PPP1R12B: variants seen among roughly 807,000 people sequenced by gnomAD.
PPP1R12B encodes myosin phosphatase target subunit 2.
In PPP1R12B, 76 loss-of-function variants were observed where a neutral mutation model predicts 126.1. The observed-to-expected ratio is 0.60, with a 90% CI of 0.50 to 0.73. The LOEUF is 0.73. PPP1R12B is among the 30% of genes least tolerant of loss of function. The pLI is 0.00. For missense variants in PPP1R12B, 1,052 were observed against 1,205.1 expected, an observed-to-expected ratio of 0.87 and a Z score of 1.88; for synonymous variants, 356 against 434.7, an observed-to-expected ratio of 0.82 and a Z score of 2.25.
chr1:202,581,331 T>C lies in PPP1R12B; in HGVS notation c.*771T>C, dbSNP rs1006793007. The C allele has an allele frequency of 6.6e-5, 10 of 152,562 alleles. 1 individual carries two copies. Among genetic ancestry groups the C allele is most frequent in the African/African-American group, 2.2e-4 (9 of 41,434 alleles). The allele number at this position is 152,562 out of a possible 1,614,324, so 9.5% of individuals were successfully genotyped here. A position where few individuals can be genotyped will look rare whatever the true frequency, so the allele number is the denominator to read the frequency against. On this transcript the variant is annotated 3_prime_UTR_variant, in exon 24 of 24. Coordinates refer to ENST00000608999, the MANE Select transcript of PPP1R12B (RefSeq NM_002481.4). ...AGGACAGAGCACCTGACCTCAGTTGTCTTTGGCCATTGTGGGAAGTCATTA... is the reference window on the plus strand; with the variant it reads ...AGGACAGAGCACCTGACCTCAGTTGCCTTTGGCCATTGTGGGAAGTCATTA...
intron 1 of PPP1R12B, among the ~76,000 whole-genome samples, chr1:202,374,292 A>AT (rs555447851): frequency 6.6e-6 from 1 of 152,060 alleles, no homozygotes; most frequent in Non-Finnish European, 1.5e-5. Context: ...AACATCTGTG[A>AT]TTCCTTGTTT....
chr1:202,486,163 TGA>T (rs1678091570), intron 13 of PPP1R12B, among the ~76,000 whole-genome samples: 2 of 152,206 alleles, frequency 1.3e-5, no homozygotes, highest in Non-Finnish European at 2.9e-5. Context: ...ATTACAGGCA[TGA>T]GCTACTGCTC....
intron 18 of PPP1R12B, among the ~76,000 whole-genome samples, chr1:202,518,081 A>G (rs576139192): frequency 2.0e-5 from 3 of 152,372 alleles, no homozygotes; most frequent in African/African-American, 4.8e-5. Flanking sequence ...TAGATTGACA[A>G]AAGTCCCAAA....
intron 8 of PPP1R12B, 112 bp from the exon 9 acceptor site, chr1:202,434,544 T>A (rs1670565624): frequency 5.9e-6 from 8 of 1,365,568 alleles, no homozygotes; most frequent in Admixed American, 3.0e-5. Context: ...TACAGGGCCT[T>A]AATAATCTGT....
intron 1 of PPP1R12B, among the ~76,000 whole-genome samples, chr1:202,398,709 C>A (rs767871957): frequency 6.6e-6 from 1 of 152,178 alleles, no homozygotes; most frequent in Non-Finnish European, 1.5e-5. Context: ...AGGGGCACAA[C>A]ACTCTTGGCA....
intron 19 of PPP1R12B, among the ~76,000 whole-genome samples, chr1:202,559,172 G>C (rs757293185): frequency 2.9e-4 from 44 of 152,008 alleles, no homozygotes; most frequent in Non-Finnish European, 5.7e-4. Context: ...AGCGTACCAG[G>C]CACCATGCTC....
chr1:202,361,523 A>G (rs1658216110), intron 1 of PPP1R12B, among the ~76,000 whole-genome samples: 1 of 152,194 alleles, frequency 6.6e-6, no homozygotes, highest in South Asian at 2.1e-4. Flanking sequence ...TTTATGAGGG[A>G]GCTGCCCTTG....
chr1:202,548,779 T>G (rs1558359517), intron 18 of PPP1R12B, among the ~76,000 whole-genome samples: 3 of 88,866 alleles, frequency 3.4e-5, no homozygotes, highest in African/African-American at 1.3e-4. Flanking sequence ...GCTCGCTGTC[T>G]CTCTCTCTCT....
rs181934100 is a variant in PPP1R12B at position 202,493,350 on chromosome 1, A to C, written c.2145+33A>C. ...CATTTTTGCTGGCATGTACTGTGCT[A>C]AAAGCAGGGTAATTAGTTTGGGGAG... On this transcript the variant is annotated intron_variant, in intron 15 of 23. Transcript: ENST00000608999. 5.7e-5 allele frequency: 91 copies of C among 1,592,146 alleles called. No individual in the cohort carries two copies. In the Admixed American group the frequency reaches 1.6e-3, roughly 27 times the overall value.
intron 23 of PPP1R12B, among the ~76,000 whole-genome samples, chr1:202,578,048 T>C (rs916847339): frequency 3.9e-5 from 6 of 152,236 alleles, no homozygotes; most frequent in Non-Finnish European, 8.8e-5. Flanking sequence ...TCTGCTGAGA[T>C]TGAACTTTGT....
chr1:202,445,518 A>G (rs1203056440), intron 12 of PPP1R12B, among the ~76,000 whole-genome samples: 1 of 152,236 alleles, frequency 6.6e-6, no homozygotes, highest in Non-Finnish European at 1.5e-5. Context: ...CAATTTAAGG[A>G]TCATACTATT....
chr1:202,581,355 T>C lies in PPP1R12B; in HGVS notation c.*795T>C, dbSNP rs1388303421. 6.6e-6 allele frequency: 1 copy of C among 152,454 alleles called. No homozygotes were observed. Among genetic ancestry groups the C allele is most frequent in the Non-Finnish European group, 1.5e-5 (1 of 68,040 alleles). 9.4% of individuals were successfully genotyped at this position (152,454 alleles called of 1,614,324 possible). A position where few individuals can be genotyped will look rare whatever the true frequency, so the allele number is the denominator to read the frequency against. On this transcript the variant is annotated 3_prime_UTR_variant, in exon 24 of 24. Transcript: ENST00000608999. Reference sequence around the variant, plus strand: ...GTCTTTGGCCATTGTGGGAAGTCATTATTCTGGAGACAAGAAAATCATCAC... The same window carrying C: ...GTCTTTGGCCATTGTGGGAAGTCATCATTCTGGAGACAAGAAAATCATCAC...
chr1:202,353,387 G>A (rs1189622326), intron 1 of PPP1R12B, among the ~76,000 whole-genome samples: 2 of 151,956 alleles, frequency 1.3e-5, no homozygotes, highest in Non-Finnish European at 2.9e-5. Context: ...TTATTATTGT[G>A]CATCTAGAAT....
chr1:202,534,371 C>G (rs553175984), intron 18 of PPP1R12B, among the ~76,000 whole-genome samples: 1 of 152,182 alleles, frequency 6.6e-6, no homozygotes, highest in Non-Finnish European at 1.5e-5. Context: ...AAACAATGAT[C>G]TGGGCACTAG....
intron 1 of PPP1R12B, among the ~76,000 whole-genome samples, chr1:202,402,707 G>C (rs985468312): frequency 3.3e-5 from 5 of 152,150 alleles, no homozygotes; most frequent in Non-Finnish European, 7.3e-5. Context: ...GAGCAATGTA[G>C]AAAAACAATT....
chr1:202,445,268 G>C (rs1348085731), intron 12 of PPP1R12B: 1 of 1,220,528 alleles, frequency 8.2e-7, no homozygotes, highest in Admixed American at 4.2e-5. Context: ...ATTCATCAAA[G>C]TTAATGGCTC....
At chr1:202,446,256 A>ATATATATATATTTTTTTTTT (rs376183502) in intron 12 of PPP1R12B, among the ~76,000 whole-genome samples, 1 of 54,340 alleles carries the variant, frequency 1.8e-5, no homozygotes, top group Non-Finnish European at 3.2e-5. Context: ...ATATATATAT[A>ATATATATATATTTTTTTTTT]TTTTTTTTTT....
chr1:202,533,289 ATTTTGTTTTGTTTTGTTTTG>A (rs58502239), intron 18 of PPP1R12B, among the ~76,000 whole-genome samples: 2 of 148,790 alleles, frequency 1.3e-5, no homozygotes, highest in Non-Finnish European at 3.0e-5. Flanking sequence ...TTTTGGGGGT[ATTTTGTTTTGTTTTGTTTTG>A]TTTTGTTTTG....
chr1:202,478,289 T>G (rs528127033), intron 13 of PPP1R12B, among the ~76,000 whole-genome samples: 1 of 152,360 alleles, frequency 6.6e-6, no homozygotes, highest in Non-Finnish European at 1.5e-5. Context: ...AGGCCAGATT[T>G]GGCCCAAGAT....
Sources: allele counts gnomAD v4.1 joint callset (sites outside exome capture counted in the v4.1 genomes callset), GRCh38; gene constraint gnomAD v4.1.1; transcripts MANE v1.5; gene names NCBI Gene and HGNC (gene_info 2026-07-23, HGNC 2026-07-21).